GYS1: variants seen among roughly 807,000 people sequenced by gnomAD.
GYS1 encodes glycogen synthase 1, also known as glycogen [starch] synthase, muscle.
In GYS1, 60 loss-of-function variants were observed where a neutral mutation model predicts 89.1. The ratio of observed to expected loss-of-function variants is 0.67; its 90% confidence interval spans 0.55 to 0.84. The LOEUF (loss-of-function observed/expected upper bound fraction) is 0.84, where lower values mean the gene tolerates loss of function less well. GYS1 is among the 40% of genes least tolerant of loss of function. The pLI is 0.00. For missense variants in GYS1, 888 were observed against 1,003.1 expected, an observed-to-expected ratio of 0.89 and a Z score of 1.55; for synonymous variants, 366 against 401.7, an observed-to-expected ratio of 0.91 and a Z score of 1.06.
chr19:48,985,416 G>GTC lies in GYS1; in HGVS notation c.823+44_823+45insGA, dbSNP rs761833450. 6.9e-6 allele frequency: 11 copies of GTC among 1,601,666 alleles called. No individual in the cohort carries two copies. In the African/African-American group the frequency reaches 1.5e-4, roughly 21 times the overall value. ...GGAGCAACTGGCTTTGGCATAGACA[G>GTC]CTGCCTACCTCATTCACGTCTGGGG... On this transcript the variant is annotated intron_variant, in intron 5 of 15. Coordinates refer to ENST00000323798, the MANE Select transcript of GYS1 (RefSeq NM_002103.5).
Position 48,970,958 on chromosome 19 carries a change from C to G in GYS1, c.1615G>C (p.Glu539Gln), listed in dbSNP as rs561646250. 2.5e-6 allele frequency: 4 copies of G among 1,613,960 alleles called. No individual in the cohort carries two copies. In the South Asian group the frequency reaches 3.3e-5, roughly 13 times the overall value. Residue 539 changes from glutamate (E) to glutamine (Q), a missense_variant, in exon 13 of 16, where the codon GAG (glutamate) becomes CAG (glutamine). Glu to Gln is a conservative substitution (Grantham distance 29). Coordinates refer to ENST00000323798, the MANE Select transcript of GYS1 (RefSeq NM_002103.5). ...GCTGAGGGGTCTGCGATGTGTTCCTCCATGAAGCAGCCGAAGCCGGAGAGA... is the reference window on the plus strand; with the variant it reads ...GCTGAGGGGTCTGCGATGTGTTCCTGCATGAAGCAGCCGAAGCCGGAGAGA... ...TNLSGFGCFM[E>Q]EHIADPSAYG...
chr19:48,970,688 C>T lies in GYS1; in HGVS notation c.1667G>A (p.Arg556Gln), dbSNP rs1275819458. The change falls in exon 14 of 16, where the codon CGG becomes CAG. Residue 556 changes from arginine (R) to glutamine (Q), a missense_variant. By Grantham distance (43) the Arg-to-Gln change is conservative (BLOSUM62 1). Coordinates refer to ENST00000323798, the MANE Select transcript of GYS1 (RefSeq NM_002103.5). Reference sequence around the variant, plus strand: ...GCAGGAATCATCCAGGCTGCGGAACCGCCGGTCAAGAATGTAGATACCTGT... The same window carrying T: ...GCAGGAATCATCCAGGCTGCGGAACTGCCGGTCAAGAATGTAGATACCTGT... ...SAYGIYILDR[R>Q]FRSLDDSCSQ... The T allele has an allele frequency of 1.2e-6, 2 of 1,613,866 alleles. No individual in the cohort carries two copies. The highest frequency in any genetic ancestry group is 1.1e-5 in the South Asian group (1 of 91,034).
intron 10 of GYS1, among the ~76,000 whole-genome samples, chr19:48,975,014 T>G (rs2038623542): frequency 6.6e-6 from 1 of 152,120 alleles, no homozygotes; most frequent in Non-Finnish European, 1.5e-5. Flanking sequence ...CACTGCAAGC[T>G]CCACCTCCCA....
intron 2 of GYS1, among the ~76,000 whole-genome samples, chr19:48,990,007 G>GGC (rs1555800148): frequency 4.0e-5 from 6 of 150,376 alleles, no homozygotes; most frequent in African/African-American, 9.9e-5. Flanking sequence ...CTGGGGGGGG[G>GGC]GGGGGGCTAT....
intron 5 of GYS1, among the ~76,000 whole-genome samples, chr19:48,984,773 T>G (rs1332641833): frequency 6.6e-6 from 1 of 151,466 alleles, no homozygotes; most frequent in Non-Finnish European, 1.5e-5. Context: ...CCCAGCTACT[T>G]GGGAGGCTGA....
intron 8 of GYS1, among the ~76,000 whole-genome samples, chr19:48,979,491 C>T: frequency 6.6e-6 from 1 of 150,706 alleles, no homozygotes; most frequent in Admixed American, 6.6e-5. Context: ...CGTGCGCCAC[C>T]ACATCTGGCT....
chr19:48,975,962 C>G (rs1394255456), intron 10 of GYS1, among the ~76,000 whole-genome samples: 1 of 147,628 alleles, frequency 6.8e-6, no homozygotes, highest in African/African-American at 2.5e-5. Context: ...TCACCTCCAA[C>G]CCTAACAAAG....
intron 6 of GYS1, 73 bp downstream of exon 6, chr19:48,982,647 C>T: frequency 7.0e-6 from 8 of 1,141,464 alleles, no homozygotes; most frequent in Non-Finnish European, 1.1e-5. Context: ...CCCAGCTGCC[C>T]CCTCCCCCAG....
intron 10 of GYS1, among the ~76,000 whole-genome samples, chr19:48,975,329 C>T (rs2038629628): frequency 6.6e-6 from 1 of 151,464 alleles, no homozygotes; most frequent in South Asian, 2.1e-4. Context: ...CCGTTTTGGC[C>T]TCCCGAAGTG....
rs2038860320 is a variant in GYS1, at chr19:48,987,458, C to T, written c.301-73G>A. On this transcript the variant is annotated intron_variant, in intron 2 of 15. Coordinates refer to ENST00000323798, the MANE Select transcript of GYS1 (RefSeq NM_002103.5). ...CTCATATCTTCACTCATCCGTGGTT[C>T]TCCCATTTGCAGGCAGATGTCTATA... 5.8e-6 allele frequency: 7 copies of T among 1,216,474 alleles called. No individual in the cohort carries two copies. In the South Asian group the frequency reaches 1.1e-4, roughly 19 times the overall value. The allele number at this position is 1,216,474 out of a possible 1,614,324, so 75.4% of individuals were successfully genotyped here.
Position 48,991,392 on chromosome 19 carries a change from CT to C in GYS1, c.209del (p.Glu70GlyfsTer4). On this transcript the variant is annotated frameshift_variant, in exon 2 of 16. Transcript: ENST00000323798. LOFTEE classifies it high-confidence loss of function. This position sits in a 1 kb window ranked among gnomAD's most constrained non-coding sequence, Gnocchi z 4.7. The part of the protein sequence containing the change: ...DNYFLVGPYT[E>X]QGVRTQVELL... ...GTTCCACCTGGGTCCTCACGCCCTG[CT>C]CCGTGTACGGCCCCACCAGGAAGTA... 6.2e-7 allele frequency: 1 copy of C among 1,614,154 alleles called. No individual in the cohort carries two copies. Among genetic ancestry groups the C allele is most frequent in the African/African-American group, 1.3e-5 (1 of 75,068 alleles).
rs751068104 is a variant in GYS1 at position 48,974,298 on chromosome 19, C to T, written c.1464G>A (p.Leu488=). The T allele has an allele frequency of 6.2e-7, 1 of 1,613,854 alleles. No individual in the cohort carries two copies. Among genetic ancestry groups the T allele is most frequent in the Non-Finnish European group, 8.5e-7 (1 of 1,179,774 alleles). ...CAAACTCCTCATAGTCCACAGGGAGCAGGGGGCTTGTGGAGGAGAGGAACT... is the reference window on the plus strand; with the variant it reads ...CAAACTCCTCATAGTCCACAGGGAGTAGGGGGCTTGTGGAGGAGAGGAACT... The part of the protein sequence containing the change: ...HPEFLSSTSP[L]LPVDYEEFVR... Residue 488 remains leucine (L), a synonymous_variant, in exon 12 of 16, where the codon CTG becomes CTA. Transcript: ENST00000323798.
chr19:48,982,423 G>T, intron 6 of GYS1, 48 bp from the exon 7 acceptor site: 1 of 1,611,796 alleles, frequency 6.2e-7, no homozygotes, highest in Middle Eastern at 1.7e-4. Context: ...TCACCCGCTA[G>T]CCCTGGCCTC....
At chr19:48,969,883 GGATGTGA>G in intron 14 of GYS1, 28 bp from the exon 15 acceptor site, 1 of 1,550,254 alleles carries the variant, frequency 6.5e-7, no homozygotes. Flanking sequence ...AGGGGGCAGA[GGATGTGA>G]GAGCCAGGCC....
At chr19:48,981,748 G>T in intron 7 of GYS1, 112 bp from the exon 8 acceptor site, 2 of 719,740 alleles carry the variant, frequency 2.8e-6, no homozygotes, top group Admixed American at 2.0e-5. Context: ...CTGTCAAGGA[G>T]AATTATAGGA....
intron 3 of GYS1, 130 bp downstream of exon 3, chr19:48,987,064 C>T (rs2038852903): frequency 1.4e-6 from 1 of 733,812 alleles, no homozygotes; most frequent in Non-Finnish European, 2.4e-6. Context: ...TCCTCAAAGG[C>T]CAGAGCTAAT....
At chr19:48,984,194 A>AG in intron 5 of GYS1, among the ~76,000 whole-genome samples, 1 of 151,528 alleles carries the variant, frequency 6.6e-6, no homozygotes, top group African/African-American at 2.4e-5. Context: ...TTTGGCAGAG[A>AG]GGGGGTCTCA....
At chr19:48,985,682 G>T in intron 4 of GYS1, 77 bp from the exon 5 acceptor site, 1 of 1,568,142 alleles carries the variant, frequency 6.4e-7, no homozygotes, top group Non-Finnish European at 8.8e-7. Flanking sequence ...GGGGTCCCAA[G>T]AGAAATTGGT....
chr19:48,975,120 C>T (rs1862493), intron 10 of GYS1, among the ~76,000 whole-genome samples: 54,685 of 151,636 alleles, frequency 0.36, 9,966 homozygotes, highest in Middle Eastern at 0.49. Context: ...TTAGTAGAGA[C>T]GAGGTTTCAC....
Sources: allele counts gnomAD v4.1 joint callset (sites outside exome capture counted in the v4.1 genomes callset), GRCh38; gene constraint gnomAD v4.1.1; non-coding constraint Gnocchi (gnomAD v3.1); transcripts MANE v1.5; gene names NCBI Gene and HGNC (gene_info 2026-07-23, HGNC 2026-07-21).